The following LYPD6 variants were observed in gnomAD, a reference collection of about 807,000 sequenced individuals.
LYPD6 encodes the protein ly6/PLAUR domain-containing protein 6.
In LYPD6, 15 loss-of-function variants were observed where a neutral mutation model predicts 22.7. The ratio of observed to expected loss-of-function variants is 0.66; its 90% confidence interval spans 0.44 to 1.02. LYPD6 has a LOEUF of 1.02. Among genes scored for constraint, LYPD6 ranks in the 50% least tolerant of loss-of-function variants. The probability of loss-of-function intolerance (pLI) is 0.00; values close to 1 mark genes in which losing one functional copy is unlikely to be tolerated. For synonymous variants in LYPD6, 72 were observed against 77.5 expected (o/e 0.93, Z 0.37); for missense variants, 189 against 208.4 (o/e 0.91, Z 0.57).
intron 1 of LYPD6, among the ~76,000 whole-genome samples, chr2:149,338,462 A>G (rs1022315315): frequency 6.6e-6 from 1 of 152,172 alleles, no homozygotes; most frequent in South Asian, 2.1e-4. Context: ...ATAATCCCCA[A>G]TGTAATAGTA....
chr2:149,393,265 A>C (rs1233417305), intron 1 of LYPD6, among the ~76,000 whole-genome samples: 1 of 152,204 alleles, frequency 6.6e-6, no homozygotes. Flanking sequence ...AGATGCCATC[A>C]GAAGTATTTT....
At chr2:149,402,714 C>CAT (rs1057409739) in intron 1 of LYPD6, among the ~76,000 whole-genome samples, 1 of 151,126 alleles carries the variant, frequency 6.6e-6, no homozygotes, top group Non-Finnish European at 1.5e-5. Context: ...CCTTAGCCCA[C>CAT]TTTTTTTTTA....
chr2:149,473,208 T>A lies in LYPD6; in HGVS notation c.*2358T>A, dbSNP rs572749510. Reference sequence around the variant, plus strand: ...ACCACACCAAAGCCTCCCTGGCTGGTGTAGAGGGATCAGGTCCACAGTGGT... The same window carrying A: ...ACCACACCAAAGCCTCCCTGGCTGGAGTAGAGGGATCAGGTCCACAGTGGT... On this transcript the variant is annotated 3_prime_UTR_variant, in exon 5 of 5. Transcript: ENST00000334166. The A allele has an allele frequency of 7.2e-5, 11 of 152,816 alleles. No homozygotes were observed. The highest frequency in any genetic ancestry group is 2.6e-4 in the African/African-American group (11 of 41,582). 9.5% of individuals were successfully genotyped at this position (152,816 alleles called of 1,614,324 possible).
At chr2:149,357,453 G>A (rs1415832542) in intron 1 of LYPD6, among the ~76,000 whole-genome samples, 1 of 152,150 alleles carries the variant, frequency 6.6e-6, no homozygotes, top group Non-Finnish European at 1.5e-5. Flanking sequence ...TTTGCAATCA[G>A]TAATGATCAT....
At chr2:149,400,001 G>A (rs562556629) in intron 1 of LYPD6, among the ~76,000 whole-genome samples, 2 of 152,318 alleles carry the variant, frequency 1.3e-5, no homozygotes, top group South Asian at 4.1e-4. Flanking sequence ...AAACCCTCCA[G>A]CTGACAACCC....
chr2:149,434,431 A>G (rs16826974), intron 1 of LYPD6, among the ~76,000 whole-genome samples: 37,985 of 151,986 alleles, frequency 0.25, 5,434 homozygotes, highest in African/African-American at 0.4. Context: ...CATATTCTTG[A>G]TATTGTGAAT....
intron 1 of LYPD6, chr2:149,367,699 C>G (rs568454642): frequency 1.3e-5 from 2 of 152,176 alleles, no homozygotes; most frequent in African/African-American, 2.4e-5. Context: ...GAGCCCTGGG[C>G]TAGCACTGTG....
chr2:149,403,685 C>T (rs1273771569), intron 1 of LYPD6, among the ~76,000 whole-genome samples: 8 of 151,748 alleles, frequency 5.3e-5, no homozygotes, highest in Middle Eastern at 3.4e-3. Context: ...TGTAGGTTGC[C>T]TGTTCACTCT....
chr2:149,367,021 G>A (rs1203017045), intron 1 of LYPD6, among the ~76,000 whole-genome samples: 1 of 151,934 alleles, frequency 6.6e-6, no homozygotes, highest in Admixed American at 6.6e-5. Context: ...TGTAACTGCT[G>A]AAAAACAAAA....
intron 3 of LYPD6, among the ~76,000 whole-genome samples, chr2:149,460,474 T>C (rs1232510454): frequency 1.3e-5 from 2 of 151,986 alleles, no homozygotes; most frequent in African/African-American, 4.8e-5. Context: ...ATAACAGAGC[T>C]GAAAAATATG....
intron 1 of LYPD6, among the ~76,000 whole-genome samples, chr2:149,385,514 T>C (rs1682163383): frequency 1.3e-5 from 2 of 152,216 alleles, no homozygotes; most frequent in Admixed American, 6.5e-5. Context: ...ACTTTTTTGC[T>C]AAAATTCAGG....
At chr2:149,474,970 T>C (rs1295439461), downstream of LYPD6, among the ~76,000 whole-genome samples, 2 of 152,192 alleles carry the variant, frequency 1.3e-5, no homozygotes, top group Non-Finnish European at 2.9e-5. Context: ...GGTTTCACCA[T>C]GTTGGCCAGG....
chr2:149,368,674 G>A (rs1005678906), intron 1 of LYPD6, among the ~76,000 whole-genome samples: 3 of 152,198 alleles, frequency 2.0e-5, no homozygotes, highest in Admixed American at 1.3e-4. Flanking sequence ...TGCTTTAGAA[G>A]TAGAGAAGGA....
At chr2:149,467,311 A>G (rs962590160) in intron 3 of LYPD6, among the ~76,000 whole-genome samples, 1 of 152,178 alleles carries the variant, frequency 6.6e-6, no homozygotes, top group African/African-American at 2.4e-5. Context: ...GGGTGTTGCC[A>G]CAGACTCTGC....
chr2:149,476,321 A>G (rs1681448679), downstream of LYPD6, among the ~76,000 whole-genome samples: 1 of 152,224 alleles, frequency 6.6e-6, no homozygotes. Context: ...TTTTCATTCT[A>G]ATATGAGAAG....
chr2:149,350,453 A>G (rs1681337767), intron 1 of LYPD6, among the ~76,000 whole-genome samples: 1 of 152,096 alleles, frequency 6.6e-6, no homozygotes, highest in Non-Finnish European at 1.5e-5. Context: ...TCAGAGTACA[A>G]CTCCTGCAGG....
chr2:149,476,229 C>T (rs781381406), downstream of LYPD6, among the ~76,000 whole-genome samples: 4 of 151,902 alleles, frequency 2.6e-5, no homozygotes, highest in African/African-American at 4.8e-5. Context: ...GGCAGTCTTA[C>T]GAGGACCATC....
chr2:149,445,376 C>T (rs1266538468), intron 2 of LYPD6, among the ~76,000 whole-genome samples: 1 of 152,208 alleles, frequency 6.6e-6, no homozygotes, highest in Non-Finnish European at 1.5e-5. Flanking sequence ...TAGCACCTAA[C>T]AAAAGAATCA....
At chr2:149,465,565 T>C (rs1450346523) in intron 3 of LYPD6, among the ~76,000 whole-genome samples, 2 of 152,184 alleles carry the variant, frequency 1.3e-5, no homozygotes, top group Non-Finnish European at 2.9e-5. Context: ...TGAAGAATAA[T>C]TGAGTGGCAA....
Sources: allele counts gnomAD v4.1 joint callset (sites outside exome capture counted in the v4.1 genomes callset), GRCh38; gene constraint gnomAD v4.1.1; transcripts MANE v1.5; gene names NCBI Gene and HGNC (gene_info 2026-07-23, HGNC 2026-07-21).